Variants in MSI2 observed in about 807,000 individuals in gnomAD.
The protein encoded by MSI2 is musashi RNA binding protein 2.
In MSI2, 17 loss-of-function variants were observed where a neutral mutation model predicts 45.6. That is an observed-to-expected ratio of 0.37 (90% confidence interval 0.26 to 0.56). The LOEUF (loss-of-function observed/expected upper bound fraction) is 0.56. Among genes scored for constraint, MSI2 ranks in the 20% least tolerant of loss-of-function variants. The probability of loss-of-function intolerance (pLI) is 0.77; values close to 1 mark genes in which losing one functional copy is unlikely to be tolerated. For missense variants in MSI2, 293 were observed against 444.2 expected, an observed-to-expected ratio of 0.66 and a Z score of 3.06; for synonymous variants, 156 against 158.2, an observed-to-expected ratio of 0.99 and a Z score of 0.11.
intron 6 of MSI2, among the ~76,000 whole-genome samples, chr17:57,439,236 T>C (rs1567823803): frequency 1.3e-5 from 2 of 152,188 alleles, no homozygotes. Context: ...TTTTGATTGC[T>C]CAGATCAAGC....
intron 7 of MSI2, among the ~76,000 whole-genome samples, chr17:57,562,882 GA>G (rs2144257208): frequency 6.6e-6 from 1 of 152,194 alleles, no homozygotes; most frequent in South Asian, 2.1e-4. Flanking sequence ...CGGATCACCT[GA>G]GGTCAGGAGT....
intron 10 of MSI2, chr17:57,630,501 C>G (rs1909265573): frequency 6.6e-6 from 1 of 152,258 alleles, no homozygotes; most frequent in Non-Finnish European, 1.5e-5. Flanking sequence ...GTTGCCTGCT[C>G]TCAGGGAGGG....
chr17:57,537,660 G>T (rs910944314), intron 7 of MSI2, among the ~76,000 whole-genome samples: 1 of 152,092 alleles, frequency 6.6e-6, no homozygotes, highest in Non-Finnish European at 1.5e-5. Flanking sequence ...TTTCCCCCGA[G>T]TTAACTCAAT....
At chr17:57,698,234 T>C in the MSI2 span, among the ~76,000 whole-genome samples, 1 of 152,188 alleles carries the variant, frequency 6.6e-6, no homozygotes, top group Non-Finnish European at 1.5e-5. Context: ...GGAACAGCTC[T>C]GCCTGTTCCT....
chr17:57,435,802 C>T (rs1211379146), intron 6 of MSI2, among the ~76,000 whole-genome samples: 4 of 152,140 alleles, frequency 2.6e-5, no homozygotes, highest in East Asian at 3.9e-4. Flanking sequence ...GTGATGGATT[C>T]ATGTTTTATG....
At chr17:57,439,833 G>A (rs749742971) in intron 6 of MSI2, among the ~76,000 whole-genome samples, 12 of 152,134 alleles carry the variant, frequency 7.9e-5, no homozygotes, top group African/African-American at 1.4e-4. Flanking sequence ...GATTCTTAGC[G>A]GATGGCCCGA....
chr17:57,671,648 G>A (rs1396394842), intron 11 of MSI2: 1 of 151,856 alleles, frequency 6.6e-6, no homozygotes, highest in Admixed American at 6.6e-5. Flanking sequence ...AGGGAGACGG[G>A]TTCTCAAATG....
At chr17:57,625,532 C>T (rs1295789562) in intron 9 of MSI2, 4 of 152,168 alleles carry the variant, frequency 2.6e-5, no homozygotes, top group African/African-American at 9.7e-5. Context: ...TATGAGAAGC[C>T]ACTGAGCAGG....
rs760206712 is a variant in MSI2 at position 57,574,242 on chromosome 17, C to T, written c.455-22626C>T. Among the ~76,000 whole-genome samples, 2 of 152,208 alleles carry T rather than the reference C, an allele frequency of 1.3e-5. 1 individual carries two copies. The highest frequency in any genetic ancestry group is 4.1e-4 in the South Asian group (2 of 4,834). ...TACTTAACTCCTGGCTTTTCTCCAG[C>T]CTTTGCTGAGGCCTCCACCACTGCC... On this transcript the variant is annotated intron_variant, in intron 7 of 13. Coordinates refer to ENST00000284073, the MANE Select transcript of MSI2 (RefSeq NM_138962.4).
At chr17:57,664,601 G>A (rs1372603696) in intron 11 of MSI2, among the ~76,000 whole-genome samples, 5 of 152,190 alleles carry the variant, frequency 3.3e-5, no homozygotes, top group African/African-American at 7.2e-5. Context: ...AGGAAACTTC[G>A]TGGGAATTTG....
chr17:57,506,917 A>C (rs2086241816), intron 6 of MSI2, among the ~76,000 whole-genome samples: 2 of 151,882 alleles, frequency 1.3e-5, no homozygotes, highest in African/African-American at 2.4e-5. Flanking sequence ...GTCAGGGAGG[A>C]TCTGTAGGGT....
At chr17:57,454,687 G>A (rs745931456) in intron 6 of MSI2, among the ~76,000 whole-genome samples, 4 of 151,992 alleles carry the variant, frequency 2.6e-5, no homozygotes, top group South Asian at 2.1e-4. Flanking sequence ...TACCCACCTC[G>A]GCCTCCCAAA....
intron 7 of MSI2, among the ~76,000 whole-genome samples, chr17:57,551,306 G>A (rs1034946403): frequency 2.6e-5 from 4 of 152,178 alleles, no homozygotes; most frequent in Non-Finnish European, 4.4e-5. Flanking sequence ...AATTCTTCCT[G>A]TGCGGGTAGG....
chr17:57,694,221 T>C, the MSI2 span, among the ~76,000 whole-genome samples: 1 of 152,188 alleles, frequency 6.6e-6, no homozygotes, highest in African/African-American at 2.4e-5. Flanking sequence ...AGTCAGAAGT[T>C]GACTTGGATT....
At chr17:57,284,635 G>A (rs1429603736) in intron 5 of MSI2, among the ~76,000 whole-genome samples, 1 of 152,238 alleles carries the variant, frequency 6.6e-6, no homozygotes, top group Non-Finnish European at 1.5e-5. Context: ...TCATTAAAAT[G>A]TTGTAGGAGA....
chr17:57,647,658 T>A (rs117789313), intron 10 of MSI2, among the ~76,000 whole-genome samples: 2 of 151,606 alleles, frequency 1.3e-5, no homozygotes, highest in Admixed American at 1.3e-4. Flanking sequence ...TTTTTTTTTT[T>A]CTTCGAGACA....
At chr17:57,338,456 A>G (rs552310833) in intron 5 of MSI2, among the ~76,000 whole-genome samples, 1 of 152,328 alleles carries the variant, frequency 6.6e-6, no homozygotes, top group African/African-American at 2.4e-5. Context: ...GGCACGATCT[A>G]GGCTCACTGC....
rs143789165 is a variant in MSI2, at chr17:57,304,846, A to G, written c.312+42654A>G. Among the ~76,000 whole-genome samples, 731 of 152,252 alleles carry G rather than the reference A, an allele frequency of 4.8e-3. 5 individuals are homozygous for G. The highest frequency in any genetic ancestry group is 7.2e-3 in the Non-Finnish European group (492 of 68,008). On this transcript the variant is annotated intron_variant, in intron 5 of 13. Coordinates refer to ENST00000284073, the MANE Select transcript of MSI2 (RefSeq NM_138962.4). ...GGGTGAAACCTCTGGACCCTCTCCTAAGAAAAATCCCCTTAGAACTACAAG... is the reference window on the plus strand; with the variant it reads ...GGGTGAAACCTCTGGACCCTCTCCTGAGAAAAATCCCCTTAGAACTACAAG...
At chr17:57,569,684 A>T (rs2087825690) in intron 7 of MSI2, among the ~76,000 whole-genome samples, 1 of 152,252 alleles carries the variant, frequency 6.6e-6, no homozygotes, top group African/African-American at 2.4e-5. Context: ...ATACTTTTTA[A>T]GGTGGTGACT....
Sources: gnomAD v4.1 joint callset for allele counts (sites outside exome capture counted in the v4.1 genomes callset) on GRCh38, gnomAD v4.1.1 for gene constraint, MANE v1.5 for transcripts, NCBI Gene and HGNC (gene_info 2026-07-23, HGNC 2026-07-21) for gene names.